The following FHIT variants were observed in gnomAD, a reference collection of about 807,000 sequenced individuals.
FHIT encodes the protein fragile histidine triad diadenosine triphosphatase, also known as bis(5'-adenosyl)-triphosphatase.
Under a neutral mutation model 17.9 loss-of-function variants are expected in FHIT, and 19 were observed. The ratio of observed to expected loss-of-function variants is 1.06; its 90% CI spans 0.74 to 1.56. The LOEUF (loss-of-function observed/expected upper bound fraction) is 1.56. FHIT is among the 40% of genes most tolerant of loss of function. The probability of loss-of-function intolerance (pLI) is 0.00; values close to 1 mark genes in which losing one functional copy is unlikely to be tolerated. For synonymous variants in FHIT, 81 were observed against 69.7 expected (o/e 1.16, Z -0.81); for missense variants, 248 against 189.2 (o/e 1.31, Z -1.82).
chr3:61,138,022 T>C (rs1197201775), intron 2 of FHIT, among the ~76,000 whole-genome samples: 1 of 152,204 alleles, frequency 6.6e-6, no homozygotes, highest in African/African-American at 2.4e-5. Flanking sequence ...ATTAACCAAC[T>C]ATATGACCTT....
chr3:61,124,890 C>G (rs1406300168), intron 2 of FHIT, among the ~76,000 whole-genome samples: 2 of 152,166 alleles, frequency 1.3e-5, no homozygotes, highest in African/African-American at 4.8e-5. Context: ...TTTGCCAGCT[C>G]CCAACATGTC....
intron 4 of FHIT, among the ~76,000 whole-genome samples, chr3:60,570,749 A>AAAAC (rs896168651): frequency 6.6e-6 from 1 of 151,062 alleles, no homozygotes; most frequent in African/African-American, 2.4e-5. Context: ...AAAAAAAAAA[A>AAAAC]AAAAAACTAT....
At chr3:60,670,420 T>C (rs180822861) in intron 4 of FHIT, among the ~76,000 whole-genome samples, 14 of 152,326 alleles carry the variant, frequency 9.2e-5, no homozygotes, top group Admixed American at 3.3e-4. Flanking sequence ...TATTTCTCAG[T>C]GTCTCCTCCT....
chr3:60,431,308 G>T (rs1449156205), intron 5 of FHIT, among the ~76,000 whole-genome samples: 1 of 151,744 alleles, frequency 6.6e-6, no homozygotes, highest in Non-Finnish European at 1.5e-5. Context: ...TTGGCCTAAT[G>T]ATTTAGTATT....
intron 5 of FHIT, among the ~76,000 whole-genome samples, chr3:60,494,612 C>T (rs568020826): frequency 6.6e-6 from 1 of 152,274 alleles, no homozygotes; most frequent in South Asian, 2.1e-4. Flanking sequence ...CACCTCCCTG[C>T]CCACCACCTG....
chr3:60,321,920 C>T (rs1709451645), intron 5 of FHIT, among the ~76,000 whole-genome samples: 1 of 152,138 alleles, frequency 6.6e-6, no homozygotes. Flanking sequence ...GAGGGCAGAG[C>T]CCTCGTGACT....
chr3:61,081,463 C>T (rs1227276710), intron 2 of FHIT, among the ~76,000 whole-genome samples: 1 of 152,228 alleles, frequency 6.6e-6, no homozygotes, highest in Non-Finnish European at 1.5e-5. Flanking sequence ...ATCTTTGATG[C>T]ATTATGTTCT....
At chr3:60,548,800 GT>G (rs2036453269) in intron 4 of FHIT, among the ~76,000 whole-genome samples, 1 of 152,114 alleles carries the variant, frequency 6.6e-6, no homozygotes. Context: ...TTAAAACTAG[GT>G]CTATTAAGAT....
At chr3:60,899,738 G>C (rs1234943119) in intron 3 of FHIT, among the ~76,000 whole-genome samples, 3 of 152,154 alleles carry the variant, frequency 2.0e-5, no homozygotes, top group Non-Finnish European at 4.4e-5. Context: ...TGATTATCAG[G>C]CTGCCTTGGC....
intron 7 of FHIT, among the ~76,000 whole-genome samples, chr3:59,991,114 G>A (rs753608959): frequency 2.6e-5 from 4 of 152,052 alleles, no homozygotes; most frequent in Non-Finnish European, 5.9e-5. Flanking sequence ...GGCCACATCT[G>A]TTTTATTTAG....
chr3:60,806,013 T>C (rs1701372299), intron 4 of FHIT, among the ~76,000 whole-genome samples: 1 of 152,238 alleles, frequency 6.6e-6, no homozygotes, highest in Non-Finnish European at 1.5e-5. Context: ...TGTATATTAC[T>C]TAAGTGCATA....
chr3:60,957,384 C>T (rs564680955), intron 3 of FHIT, among the ~76,000 whole-genome samples: 3 of 151,972 alleles, frequency 2.0e-5, no homozygotes, highest in South Asian at 2.1e-4. Flanking sequence ...ATTACAGGCA[C>T]GTGCCACCAC....
chr3:60,141,135 C>T (rs982731905), intron 5 of FHIT, among the ~76,000 whole-genome samples: 2 of 151,948 alleles, frequency 1.3e-5, no homozygotes, highest in Admixed American at 6.6e-5. Context: ...GCAGCCATTT[C>T]GAGGGGGGAT....
chr3:61,105,994 G>T (rs1327131078), intron 2 of FHIT, among the ~76,000 whole-genome samples: 4 of 152,102 alleles, frequency 2.6e-5, no homozygotes, highest in African/African-American at 7.2e-5. Context: ...CAGATAAAAG[G>T]CCAAGCCTCC....
At chr3:60,434,662 A>T in intron 5 of FHIT, among the ~76,000 whole-genome samples, 1 of 152,170 alleles carries the variant, frequency 6.6e-6, no homozygotes, top group East Asian at 1.9e-4. Flanking sequence ...AAATGTCTTG[A>T]CAGACTGGTA....
At chr3:60,589,048 G>T (rs562063994) in intron 4 of FHIT, among the ~76,000 whole-genome samples, 30 of 152,114 alleles carry the variant, frequency 2.0e-4, no homozygotes, top group African/African-American at 7.2e-4. Flanking sequence ...GTTCTACCGG[G>T]CAGGTGACTC....
At chr3:60,271,231 C>G (rs1362465482) in intron 5 of FHIT, among the ~76,000 whole-genome samples, 1 of 151,954 alleles carries the variant, frequency 6.6e-6, no homozygotes, top group Non-Finnish European at 1.5e-5. Context: ...GAAACCCTGT[C>G]TCTCCAAAAA....
At chr3:61,012,393 A>G (rs1244475625) in intron 3 of FHIT, among the ~76,000 whole-genome samples, 2 of 152,134 alleles carry the variant, frequency 1.3e-5, no homozygotes, top group African/African-American at 4.8e-5. Flanking sequence ...CAGAGGATGA[A>G]TCATAAAAAA....
chr3:61,035,495 A>G (rs180896165), intron 3 of FHIT, among the ~76,000 whole-genome samples: 5 of 152,342 alleles, frequency 3.3e-5, no homozygotes, highest in African/African-American at 9.6e-5. Context: ...TGCACAAGTT[A>G]GTCAGAATTA....
Sources: gnomAD v4.1 joint callset for allele counts (sites outside exome capture counted in the v4.1 genomes callset) on GRCh38, gnomAD v4.1.1 for gene constraint, MANE v1.5 for transcripts, NCBI Gene and HGNC (gene_info 2026-07-23, HGNC 2026-07-21) for gene names.